Variants in MTRR observed in about 807,000 individuals in gnomAD.
MTRR encodes methionine synthase reductase.
MTRR carries 63 observed loss-of-function variants against 79.2 expected under a neutral mutation model. The observed-to-expected ratio is 0.80, with a 90% CI of 0.65 to 0.98. The LOEUF (loss-of-function observed/expected upper bound fraction) is 0.98, where lower values mean the gene tolerates loss of function less well. Among genes scored for constraint, MTRR ranks in the 50% least tolerant of loss-of-function variants. The pLI, the probability that MTRR is intolerant of heterozygous loss-of-function variation, is 0.00. For synonymous variants in MTRR, 355 were observed against 313.3 expected (o/e 1.13, Z -1.41); for missense variants, 895 against 839.6 (o/e 1.07, Z -0.82).
intron 2 of MTRR, among the ~76,000 whole-genome samples, chr5:7,872,675 T>C (rs1328197912): frequency 1.3e-5 from 2 of 152,342 alleles, no homozygotes; most frequent in East Asian, 3.9e-4. Flanking sequence ...TTTTATATTT[T>C]GCTGAAGATT....
upstream of MTRR, chr5:7,868,858 C>T: frequency 1.8e-6 from 1 of 545,012 alleles, no homozygotes; most frequent in Non-Finnish European, 3.3e-6. Context: ...CACCCCCAAA[C>T]TCGGCGCCCC....
chr5:7,891,220 A>G, intron 9 of MTRR, 152 bp from the exon 10 acceptor site: 1 of 586,122 alleles, frequency 1.7e-6, no homozygotes, highest in East Asian at 2.9e-5. Context: ...TTACTTGAAC[A>G]CAAAGTTCAA....
At chr5:7,888,381 G>T (rs1736974149) in intron 8 of MTRR, among the ~76,000 whole-genome samples, 3 of 152,198 alleles carry the variant, frequency 2.0e-5, no homozygotes. Context: ...TAATTTAGGA[G>T]ATTGTATTGG....
At chr5:7,882,552 A>G (rs141792503) in intron 5 of MTRR, among the ~76,000 whole-genome samples, 41 of 152,318 alleles carry the variant, frequency 2.7e-4, no homozygotes, top group African/African-American at 9.9e-4. Context: ...GAATATAGAA[A>G]AGGAGTAGGG....
chr5:7,856,846 T>C (rs1442265286), intron 1 of MTRR: 2 of 150,078 alleles, frequency 1.3e-5, no homozygotes, highest in Non-Finnish European at 3.0e-5. Flanking sequence ...AGTGTCCACA[T>C]GTACCCAAGC....
At chr5:7,863,039 TATAAC>T (rs1561097514) in intron 2 of MTRR, 18 of 1,535,328 alleles carry the variant, frequency 1.2e-5, no homozygotes, top group Non-Finnish European at 1.5e-5. Context: ...AAAAATAAGA[TATAAC>T]AACAGAGAAT....
At chr5:7,859,401 A>G in intron 1 of MTRR, 1 of 1,371,940 alleles carries the variant, frequency 7.3e-7, no homozygotes, top group South Asian at 1.3e-5. Flanking sequence ...TAAAAATGCA[A>G]GTTCTTCCAT....
At chr5:7,863,019 T>C in intron 2 of MTRR, 2 of 1,593,604 alleles carry the variant, frequency 1.3e-6, no homozygotes, top group Non-Finnish European at 1.7e-6. Context: ...TAAGTGCAAA[T>C]GTGAGAAAGA....
chr5:7,897,405 C>T (rs1489828670), intron 14 of MTRR, among the ~76,000 whole-genome samples, 158 bp downstream of exon 14: 1 of 152,142 alleles, frequency 6.6e-6, no homozygotes, highest in Non-Finnish European at 1.5e-5. Context: ...ATGATTTTGA[C>T]ATATTTAATA....
chr5:7,881,220 G>A (rs1283057664), intron 5 of MTRR, among the ~76,000 whole-genome samples: 2 of 152,062 alleles, frequency 1.3e-5, no homozygotes, highest in African/African-American at 4.8e-5. Flanking sequence ...TGTGTTGTGT[G>A]CATTCTCTCC....
chr5:7,872,005 A>AT (rs3836787), intron 2 of MTRR, among the ~76,000 whole-genome samples: 22 of 150,832 alleles, frequency 1.5e-4, no homozygotes, highest in South Asian at 2.1e-4. Flanking sequence ...TGAATGGTGA[A>AT]TTTTTTTTTT....
intron 1 of MTRR, among the ~76,000 whole-genome samples, chr5:7,852,459 C>G (rs1012821776): frequency 6.6e-6 from 1 of 152,132 alleles, no homozygotes; most frequent in Non-Finnish European, 1.5e-5. Context: ...GTCCCACTAA[C>G]ACATCTTTTT....
intron 8 of MTRR, 115 bp from the exon 9 acceptor site, chr5:7,888,980 C>G: frequency 8.3e-7 from 1 of 1,202,062 alleles, no homozygotes; most frequent in Non-Finnish European, 1.2e-6. Flanking sequence ...CTCCTAGTGG[C>G]TTTCTCATTT....
upstream of MTRR, chr5:7,866,762 T>C (rs1000677622): frequency 1.2e-6 from 2 of 1,614,038 alleles, no homozygotes; most frequent in Admixed American, 1.7e-5. Flanking sequence ...TGGAAAATAA[T>C]TGAAATGAGT....
chr5:7,854,440 C>G (rs1355169687), intron 1 of MTRR, among the ~76,000 whole-genome samples: 1 of 152,112 alleles, frequency 6.6e-6, no homozygotes, highest in East Asian at 1.9e-4. Flanking sequence ...TTCGTTTTCA[C>G]TCTGCTGATA....
At chr5:7,874,340 G>A (rs1748491545) in intron 3 of MTRR, among the ~76,000 whole-genome samples, 1 of 152,040 alleles carries the variant, frequency 6.6e-6, no homozygotes, top group South Asian at 2.1e-4. Flanking sequence ...CCCTGGCAAT[G>A]ATCTGTCATA....
At chr5:7,863,243 G>A (rs953855345) in intron 2 of MTRR, 17 of 444,208 alleles carry the variant, frequency 3.8e-5, no homozygotes, top group Non-Finnish European at 6.8e-5. Context: ...ACCATAAACA[G>A]AAAGAAAAGT....
At chr5:7,875,154 A>C (rs539639268) in intron 3 of MTRR, 104 bp from the exon 4 acceptor site, 12 of 837,804 alleles carry the variant, frequency 1.4e-5, no homozygotes, top group Non-Finnish European at 2.5e-5. Context: ...TACTCCATCC[A>C]TAAGAGCATG....
chr5:7,875,099 G>A (rs906949056), intron 3 of MTRR, 159 bp from the exon 4 acceptor site: 2 of 656,850 alleles, frequency 3.0e-6, no homozygotes, highest in African/African-American at 1.8e-5. Flanking sequence ...CTGCCTACAT[G>A]CATAGAATTA....
Sources: gnomAD v4.1 joint callset for allele counts (sites outside exome capture counted in the v4.1 genomes callset) on GRCh38, gnomAD v4.1.1 for gene constraint, MANE v1.5 for transcripts, NCBI Gene and HGNC (gene_info 2026-07-23, HGNC 2026-07-21) for gene names.